Variants in CCNH observed in about 807,000 individuals in gnomAD.
CCNH encodes the protein cyclin H.
Under a neutral mutation model 41.9 loss-of-function variants are expected in CCNH, and 31 were observed. The ratio of observed to expected loss-of-function variants is 0.74; its 90% CI spans 0.56 to 1.00. The LOEUF (loss-of-function observed/expected upper bound fraction) is 1.00. CCNH is among the 50% of genes least tolerant of loss of function. The probability of loss-of-function intolerance (pLI) is 0.00; values close to 1 mark genes in which losing one functional copy is unlikely to be tolerated. For missense variants in CCNH, 362 were observed against 388.4 expected (o/e 0.93, Z 0.57); for synonymous variants, 138 against 136.1 (o/e 1.01, Z -0.10).
chr5:87,355,199 C>G (rs916948418), intron 9 of CCNH, among the ~76,000 whole-genome samples: 1 of 152,140 alleles, frequency 6.6e-6, no homozygotes, highest in African/African-American at 2.4e-5. Flanking sequence ...AAGAAAACAT[C>G]CTTCTATCTG....
At chr5:87,365,697 A>T (rs1268896062) in intron 9 of CCNH, among the ~76,000 whole-genome samples, 10 of 152,098 alleles carry the variant, frequency 6.6e-5, no homozygotes, top group Non-Finnish European at 1.5e-5. Context: ...GACTCATAAG[A>T]TAAAAAATAA....
At chr5:87,338,535 A>ATTTTTTTTTTT (rs1561292521) in intron 9 of CCNH, among the ~76,000 whole-genome samples, 12 of 95,888 alleles carry the variant, frequency 1.3e-4, no homozygotes, top group African/African-American at 5.7e-4. Flanking sequence ...ATATATATAA[A>ATTTTTTTTTTT]ATTTTTTTTT....
At chr5:87,396,497 CA>C (rs1256876646) in intron 7 of CCNH, among the ~76,000 whole-genome samples, 1 of 152,080 alleles carries the variant, frequency 6.6e-6, no homozygotes, top group East Asian at 1.9e-4. Context: ...TGTTGGCATG[CA>C]CCTGTCGTCC....
At chr5:87,381,250 A>G (rs1251259505), upstream of CCNH, among the ~76,000 whole-genome samples, 1 of 152,212 alleles carries the variant, frequency 6.6e-6, no homozygotes, top group Non-Finnish European at 1.5e-5. Flanking sequence ...AGTTGAACTA[A>G]GGTTTTATAG....
In CCNH at chr5:87,408,327, T is replaced by A. The variant is rs1763955438; in HGVS notation, c.315-141A>T. 3 of 493,084 alleles carry A rather than the reference T, an allele frequency of 6.1e-6. No homozygotes were observed. The East Asian group carries it at 9.2e-5, about 15-fold the overall frequency. The allele number at this position is 493,084 out of a possible 1,614,324, so 30.5% of individuals were successfully genotyped here. On this transcript the variant is annotated intron_variant, in intron 3 of 8. Coordinates refer to ENST00000256897, the MANE Select transcript of CCNH (RefSeq NM_001239.4). ...AATATTCAAAAGCGACTGCTAGACA[T>A]TGCAAGAATTGTTTTTTAAAAGACA...
intron 9 of CCNH, among the ~76,000 whole-genome samples, chr5:87,367,718 G>C (rs1261105013): frequency 6.6e-6 from 1 of 152,074 alleles, no homozygotes; most frequent in Non-Finnish European, 1.5e-5. Flanking sequence ...TCTCACTGTG[G>C]TATTTATTGC....
intron 7 of CCNH, among the ~76,000 whole-genome samples, chr5:87,395,883 G>A (rs1037357435): frequency 6.6e-6 from 1 of 152,018 alleles, no homozygotes; most frequent in Non-Finnish European, 1.5e-5. Context: ...CAAAAAAGCG[G>A]GGTGTGGGAG....
upstream of CCNH, among the ~76,000 whole-genome samples, chr5:87,381,514 TAC>T (rs1475819674): frequency 2.0e-5 from 3 of 152,230 alleles, no homozygotes; most frequent in Non-Finnish European, 2.9e-5. Flanking sequence ...ACACCATTAT[TAC>T]ACAGTTTGTT....
chr5:87,342,314 A>G (rs1758532877), intron 9 of CCNH, among the ~76,000 whole-genome samples: 1 of 151,932 alleles, frequency 6.6e-6, no homozygotes, highest in Non-Finnish European at 1.5e-5. Context: ...GCACAACACC[A>G]TGCTAGGCTG....
At chr5:87,357,287 G>A (rs1439744052) in intron 9 of CCNH, among the ~76,000 whole-genome samples, 1 of 151,942 alleles carries the variant, frequency 6.6e-6, no homozygotes, top group South Asian at 2.1e-4. Flanking sequence ...ATGGGTGAGT[G>A]CTTTTTAGAC....
chr5:87,373,734 G>C (rs76564060), downstream of CCNH, among the ~76,000 whole-genome samples: 1 of 152,058 alleles, frequency 6.6e-6, no homozygotes, highest in South Asian at 2.1e-4. Flanking sequence ...ATTTTTAGCT[G>C]TGGAACTCTT....
At chr5:87,406,694 G>A (rs1016977193) in intron 4 of CCNH, among the ~76,000 whole-genome samples, 41 of 151,932 alleles carry the variant, frequency 2.7e-4, no homozygotes, top group African/African-American at 9.4e-4. Context: ...TTAGATAAGG[G>A]ATACTCATCC....
intron 9 of CCNH, chr5:87,332,786 C>A: frequency 5.0e-6 from 4 of 803,416 alleles, no homozygotes; most frequent in South Asian, 4.2e-5. Context: ...AATGTCAGAA[C>A]AAAATGGACA....
chr5:87,348,800 GCA>G (rs143360662), intron 9 of CCNH, among the ~76,000 whole-genome samples: 1,793 of 151,920 alleles, frequency 0.012, 27 homozygotes, highest in African/African-American at 0.041. Flanking sequence ...CATTGATTAA[GCA>G]CAGAGTATTC....
chr5:87,374,078 T>C (rs923797321), downstream of CCNH: 3 of 1,172,302 alleles, frequency 2.6e-6, no homozygotes, highest in African/African-American at 4.9e-5. Context: ...TTTTTGGCTT[T>C]GTATCTTAGA....
the CCNH span, among the ~76,000 whole-genome samples, chr5:87,313,412 T>C: frequency 0.012 from 1,825 of 152,140 alleles, 31 homozygotes; most frequent in African/African-American, 0.041. Context: ...AGGTGAGAAA[T>C]AGCTTGAATG....
At position 87,412,757 on chromosome 5, in the gene CCNH, A is replaced by C; in HGVS notation, c.38T>G (p.Phe13Cys). 1 of 1,614,182 alleles carries C rather than the reference A, an allele frequency of 6.2e-7. No individual in the cohort carries two copies. Among genetic ancestry groups the C allele is most frequent in the South Asian group, 1.1e-5 (1 of 91,070 alleles). The change falls in exon 1 of 9, where the codon TTC becomes TGC. Residue 13 changes from phenylalanine to cysteine, a missense_variant. Coordinates refer to ENST00000256897, the MANE Select transcript of CCNH (RefSeq NM_001239.4). ...TCTTGCCAGCTGCTCCTCGCTGGAG[A>C]AGGTCCAGTGCCGCTTCTGACTACT... The part of the protein sequence containing the change: ...HNSSQKRHWT[F>C]SSEEQLARLR...
downstream of CCNH, chr5:87,374,075 C>G: frequency 8.7e-7 from 1 of 1,147,196 alleles, no homozygotes; most frequent in Non-Finnish European, 1.1e-6. Context: ...TTATTTTTGG[C>G]TTTGTATCTT....
chr5:87,330,734 C>T (rs1363828477), intron 9 of CCNH, among the ~76,000 whole-genome samples: 1 of 152,046 alleles, frequency 6.6e-6, no homozygotes, highest in African/African-American at 2.4e-5. Context: ...TTTATTCTCC[C>T]ACATGTTTGT....
Sources: allele counts gnomAD v4.1 joint callset (sites outside exome capture counted in the v4.1 genomes callset), GRCh38; gene constraint gnomAD v4.1.1; transcripts MANE v1.5; gene names NCBI Gene and HGNC (gene_info 2026-07-23, HGNC 2026-07-21).